The following DAAM1 variants were observed in gnomAD, a reference collection of about 807,000 sequenced individuals.
The protein encoded by DAAM1 is dishevelled associated activator of morphogenesis 1, also known as disheveled-associated activator of morphogenesis 1.
A neutral mutation model predicts 130.0 loss-of-function variants in DAAM1; 52 were observed. The ratio of observed to expected loss-of-function variants is 0.40; its 90% CI spans 0.32 to 0.50. The LOEUF is 0.50. Among genes scored for constraint, DAAM1 ranks in the 20% least tolerant of loss-of-function variants. DAAM1 has a pLI of 0.61. For missense variants in DAAM1, 1,134 were observed against 1,303.8 expected (o/e 0.87, Z 2.01); for synonymous variants, 452 against 444.5 (o/e 1.02, Z -0.21).
chr14:59,327,138 T>C (rs1885234915), intron 12 of DAAM1, 147 bp downstream of exon 12: 1 of 790,612 alleles, frequency 1.3e-6, no homozygotes, highest in South Asian at 1.8e-5. Flanking sequence ...CATTTTGCAC[T>C]GAGTTTCTTA....
At chr14:59,287,517 C>T (rs1883515318) in intron 2 of DAAM1, among the ~76,000 whole-genome samples, 1 of 152,080 alleles carries the variant, frequency 6.6e-6, no homozygotes, top group Non-Finnish European at 1.5e-5. Flanking sequence ...TGTTTCTATA[C>T]CTAGAAAACC....
chr14:59,338,180 G>C (rs977497644), intron 15 of DAAM1, among the ~76,000 whole-genome samples: 5 of 152,158 alleles, frequency 3.3e-5, no homozygotes, highest in African/African-American at 1.2e-4. Context: ...TCTCTACCCT[G>C]AATGCTTAGT....
chr14:59,227,331 G>A (rs1888972269), intron 1 of DAAM1, among the ~76,000 whole-genome samples: 1 of 152,080 alleles, frequency 6.6e-6, no homozygotes, highest in African/African-American at 2.4e-5. Context: ...CAGGGAATAG[G>A]AGGGGAAAAG....
In DAAM1 at chr14:59,322,964, G is replaced by A; in HGVS notation, c.513G>A (p.Glu171=). Residue 171 remains glutamate, a synonymous_variant, in exon 6 of 25, where the codon GAG becomes GAA. Transcript: ENST00000360909. ...ILNFLKTMDY[E]TSESRIHTSL... is the part of the protein sequence containing the mutation. ...ACTTTCTAAAGACCATGGACTACGA[G>A]ACCTCAGAGTCTCGAATACATACTT... 1 of 1,614,124 alleles carries A rather than the reference G, an allele frequency of 6.2e-7. No homozygotes were observed. The highest frequency in any genetic ancestry group is 8.5e-7 in the Non-Finnish European group (1 of 1,180,004).
At chr14:59,195,494 G>T (rs1053307482) in intron 1 of DAAM1, among the ~76,000 whole-genome samples, 1 of 152,050 alleles carries the variant, frequency 6.6e-6, no homozygotes, top group Non-Finnish European at 1.5e-5. Flanking sequence ...AATAACCTGG[G>T]TTTATTCTGT....
chr14:59,350,181 C>G (rs1182020431), intron 17 of DAAM1, among the ~76,000 whole-genome samples: 1 of 152,126 alleles, frequency 6.6e-6, no homozygotes, highest in Admixed American at 6.5e-5. Context: ...CTGGCATCTA[C>G]TTCTGTCTTC....
At chr14:59,366,996 C>A (rs1295048115) in intron 23 of DAAM1, among the ~76,000 whole-genome samples, 9 of 145,378 alleles carry the variant, frequency 6.2e-5, no homozygotes, top group Admixed American at 2.7e-4. Flanking sequence ...AACAAAACAA[C>A]AAAAAAAAAC....
chr14:59,258,706 A>G (rs963944824), intron 1 of DAAM1, among the ~76,000 whole-genome samples: 1 of 152,076 alleles, frequency 6.6e-6, no homozygotes, highest in Admixed American at 6.5e-5. Flanking sequence ...GGAGCTCCAT[A>G]TATGGGGAAA....
intron 2 of DAAM1, among the ~76,000 whole-genome samples, chr14:59,277,563 A>G (rs1481970900): frequency 6.6e-6 from 1 of 151,678 alleles, no homozygotes; most frequent in Non-Finnish European, 1.5e-5. Flanking sequence ...TCCAAGAAGA[A>G]GAGCCTTTTA....
chr14:59,237,460 A>G (rs1160955876), intron 1 of DAAM1, among the ~76,000 whole-genome samples: 1 of 152,208 alleles, frequency 6.6e-6, no homozygotes, highest in Admixed American at 6.5e-5. Flanking sequence ...GCTAAACAAT[A>G]TAGGATTGCA....
At chr14:59,342,098 T>C (rs1885870970) in intron 16 of DAAM1, among the ~76,000 whole-genome samples, 1 of 152,224 alleles carries the variant, frequency 6.6e-6, no homozygotes, top group African/African-American at 2.4e-5. Context: ...CTGACACTTT[T>C]GAGGTGACTT....
chr14:59,317,867 G>A (rs1884849708), intron 4 of DAAM1, among the ~76,000 whole-genome samples: 2 of 152,146 alleles, frequency 1.3e-5, no homozygotes, highest in Non-Finnish European at 2.9e-5. Flanking sequence ...ATGTGAAAGA[G>A]CCCTGGTTAT....
chr14:59,340,348 G>A (rs1043887947), intron 16 of DAAM1, among the ~76,000 whole-genome samples, 168 bp downstream of exon 16: 3 of 152,166 alleles, frequency 2.0e-5, no homozygotes, highest in African/African-American at 7.2e-5. Flanking sequence ...TTCCCTAGTG[G>A]AACATATCAG....
chr14:59,367,330 C>G (rs10130669), intron 23 of DAAM1, 99 bp from the exon 24 acceptor site: 1 of 1,479,152 alleles, frequency 6.8e-7, no homozygotes. Flanking sequence ...ACAAAACTTA[C>G]GTTTGACTCA....
intron 19 of DAAM1, among the ~76,000 whole-genome samples, chr14:59,354,712 C>T (rs1363195316): frequency 6.6e-6 from 1 of 152,216 alleles, no homozygotes; most frequent in African/African-American, 2.4e-5. Flanking sequence ...AATCAGGCAT[C>T]TGCCTAAGCT....
chr14:59,192,445 T>C (rs1364283274), intron 1 of DAAM1, among the ~76,000 whole-genome samples: 3 of 152,116 alleles, frequency 2.0e-5, no homozygotes, highest in Non-Finnish European at 2.9e-5. Context: ...GTTCAGGAAA[T>C]AATCACAGAG....
chr14:59,253,037 C>T (rs926404165), intron 1 of DAAM1, among the ~76,000 whole-genome samples: 1 of 152,300 alleles, frequency 6.6e-6, no homozygotes, highest in South Asian at 2.1e-4. Flanking sequence ...TTTTCGTGTA[C>T]AGCCCCCTGG....
At chr14:59,232,281 C>T (rs1458121741) in intron 1 of DAAM1, among the ~76,000 whole-genome samples, 2 of 152,174 alleles carry the variant, frequency 1.3e-5, no homozygotes, top group Non-Finnish European at 2.9e-5. Context: ...CAGAGAATAT[C>T]GAAACTACTG....
intron 1 of DAAM1, among the ~76,000 whole-genome samples, chr14:59,197,376 T>C (rs1196455929): frequency 1.3e-5 from 2 of 152,218 alleles, no homozygotes; most frequent in Non-Finnish European, 2.9e-5. Flanking sequence ...TTCAGCACTG[T>C]TGGTAATGTG....
Sources: allele counts gnomAD v4.1 joint callset (sites outside exome capture counted in the v4.1 genomes callset), GRCh38; gene constraint gnomAD v4.1.1; transcripts MANE v1.5; gene names NCBI Gene and HGNC (gene_info 2026-07-23, HGNC 2026-07-21).